The following RYR2 variants were observed in gnomAD, a reference collection of about 807,000 sequenced individuals.
RYR2 encodes ryanodine receptor 2, also known as cardiac muscle ryanodine receptor-calcium release channel.
A neutral mutation model predicts 601.1 loss-of-function variants in RYR2; 227 were observed. The observed-to-expected ratio is 0.38, with a 90% CI of 0.34 to 0.42. RYR2 has a LOEUF of 0.42. RYR2 is among the 10% of genes least tolerant of loss of function. RYR2 has a pLI of 1.00. For synonymous variants in RYR2, 2,223 were observed against 2,175.1 expected (o/e 1.02, Z -0.61); for missense variants, 4,646 against 6,156.5 (o/e 0.75, Z 8.21).
Position 237,638,281 on chromosome 1 carries a change from A to G in RYR2, c.6793-76A>G, listed in dbSNP as rs571460912. The G allele has an allele frequency of 1.9e-5, 31 of 1,591,312 alleles. 1 individual carries two copies. The highest frequency in any genetic ancestry group is 5.1e-6 in the Non-Finnish European group (6 of 1,167,742). On this transcript the variant is annotated intron_variant, in intron 44 of 104. Transcript: ENST00000366574. ...TTTAAAAGCATCCTTTAAGGATGTC[A>G]TTTATTGTATCCAATGTAAGCATCT...
chr1:237,491,211 T>C (rs1445174638), intron 17 of RYR2, among the ~76,000 whole-genome samples: 1 of 152,210 alleles, frequency 6.6e-6, no homozygotes, highest in Admixed American at 6.6e-5. Context: ...GTTATTTCTG[T>C]TTATTTATGT....
chr1:237,801,085 G>T (rs926420394), intron 97 of RYR2, among the ~76,000 whole-genome samples: 16 of 152,062 alleles, frequency 1.1e-4, no homozygotes, highest in African/African-American at 3.6e-4. Flanking sequence ...TATAAAATAA[G>T]GTAGTTGTAA....
chr1:237,605,427 T>A (rs1677007877), intron 35 of RYR2, among the ~76,000 whole-genome samples: 2 of 152,062 alleles, frequency 1.3e-5, no homozygotes, highest in Non-Finnish European at 2.9e-5. Context: ...GTATCTCAAA[T>A]TAATAAGAGC....
At chr1:237,806,800 C>A (rs574117413) in intron 99 of RYR2, among the ~76,000 whole-genome samples, 2 of 152,284 alleles carry the variant, frequency 1.3e-5, no homozygotes, top group Admixed American at 1.3e-4. Context: ...TCATATTTGA[C>A]AAGGTCATGC....
At chr1:237,151,057 C>G (rs1250716217) in intron 1 of RYR2, among the ~76,000 whole-genome samples, 1 of 152,050 alleles carries the variant, frequency 6.6e-6, no homozygotes, top group Non-Finnish European at 1.5e-5. Context: ...TAATTTTCAT[C>G]TAGATTTTAA....
intron 2 of RYR2, among the ~76,000 whole-genome samples, chr1:237,272,188 TGA>T (rs1689757020): frequency 6.6e-6 from 1 of 152,004 alleles, no homozygotes; most frequent in Non-Finnish European, 1.5e-5. Context: ...CATAGTGAGG[TGA>T]GACGTTTCTG....
chr1:237,719,300 T>C (rs1217395527), intron 73 of RYR2, among the ~76,000 whole-genome samples: 1 of 152,152 alleles, frequency 6.6e-6, no homozygotes, highest in East Asian at 1.9e-4. Flanking sequence ...ATTAAATATA[T>C]ATTTTTAAGA....
chr1:237,550,727 AG>A, intron 27 of RYR2, 36 bp downstream of exon 27: 1 of 1,530,644 alleles, frequency 6.5e-7, no homozygotes, highest in Non-Finnish European at 8.8e-7. Flanking sequence ...TTCGGTTGCA[AG>A]ATGATGTAGT....
intron 1 of RYR2, among the ~76,000 whole-genome samples, chr1:237,129,456 C>T (rs536239185): frequency 1.1e-3 from 168 of 152,170 alleles, no homozygotes; most frequent in African/African-American, 3.8e-3. Context: ...AACTGACATT[C>T]GGATGCATTT....
rs1276253444 is a variant in RYR2 at position 237,649,965 on chromosome 1, T to C, written c.7601T>C (p.Leu2534Pro). ...VLPLLTRCAPLFAGTEHHASL... is the reference protein window; with the variant it reads ...VLPLLTRCAPPFAGTEHHASL... ...CCATTGTTAACAAGATGTGCTCCTC[T>C]CTTTGCTGGCACAGAGCACCACGCT... The change falls in exon 50 of 105, where the codon CTC becomes CCC. Residue 2534 changes from leucine (L) to proline (P), a missense_variant. By Grantham distance (98) the Leu-to-Pro change is moderately conservative (BLOSUM62 -3). Around this residue, in one of 17 missense-constraint regions of RYR2, gnomAD observed 1,497 missense variants for 1,842.6 expected, o/e 0.81. Transcript: ENST00000366574. 1 of 1,614,034 alleles carries C rather than the reference T, an allele frequency of 6.2e-7. No homozygotes were observed. The highest frequency in any genetic ancestry group is 1.7e-5 in the Admixed American group (1 of 60,024).
At chr1:237,420,702 G>C (rs1403657677) in intron 11 of RYR2, among the ~76,000 whole-genome samples, 1 of 152,176 alleles carries the variant, frequency 6.6e-6, no homozygotes, top group Non-Finnish European at 1.5e-5. Context: ...TGGTACATAT[G>C]AGTTCTATTG....
At chr1:237,421,108 T>G (rs766212910) in intron 11 of RYR2, among the ~76,000 whole-genome samples, 1 of 152,108 alleles carries the variant, frequency 6.6e-6, no homozygotes, top group Non-Finnish European at 1.5e-5. Context: ...GCGCGGTGGC[T>G]GGCGCCTATA....
intron 1 of RYR2, among the ~76,000 whole-genome samples, chr1:237,233,260 C>T (rs1685179915): frequency 6.6e-6 from 1 of 152,106 alleles, no homozygotes; most frequent in East Asian, 1.9e-4. Context: ...ATTTTTATGC[C>T]TAAAAAGGTG....
At chr1:237,163,774 G>A (rs769657308) in intron 1 of RYR2, among the ~76,000 whole-genome samples, 4 of 152,210 alleles carry the variant, frequency 2.6e-5, no homozygotes, top group Admixed American at 6.5e-5. Flanking sequence ...CAACAATTGA[G>A]AGGTCTAGAC....
intron 17 of RYR2, among the ~76,000 whole-genome samples, chr1:237,490,222 G>C (rs1663173870): frequency 6.6e-6 from 1 of 152,164 alleles, no homozygotes; most frequent in Non-Finnish European, 1.5e-5. Flanking sequence ...ATTACCTATT[G>C]GTTGGGCTTT....
At chr1:237,230,357 T>C (rs993973615) in intron 1 of RYR2, among the ~76,000 whole-genome samples, 32 of 152,202 alleles carry the variant, frequency 2.1e-4, no homozygotes, top group Admixed American at 5.2e-4. Flanking sequence ...TAGGTCTAGA[T>C]TTGTTATCAA....
At chr1:237,644,659 G>GT (rs910270268) in intron 48 of RYR2, among the ~76,000 whole-genome samples, 2 of 151,666 alleles carry the variant, frequency 1.3e-5, no homozygotes, top group African/African-American at 2.4e-5. Flanking sequence ...AATGTAAGGT[G>GT]TTTTTTTTCA....
chr1:237,227,382 C>T (rs1403853563), intron 1 of RYR2, among the ~76,000 whole-genome samples: 1 of 152,122 alleles, frequency 6.6e-6, no homozygotes, highest in Admixed American at 6.5e-5. Context: ...GTGAAAGCAG[C>T]CGTAGTCTAT....
At position 237,688,131 on chromosome 1, in the gene RYR2, C is replaced by T. The variant is rs74771800; in HGVS notation, c.9067+627C>T. On this transcript the variant is annotated intron_variant, in intron 63 of 104. Transcript: ENST00000366574. ...GCCATGCAGGGTGGGCACTCACTTT[C>T]CGCAGATTTTCCCTGCCGTGGGGCT... Among the ~76,000 whole-genome samples, 755 of 152,330 alleles carry T rather than the reference C, an allele frequency of 5.0e-3. 2 individuals are homozygous for T. The highest frequency in any genetic ancestry group is 8.3e-3 in the Non-Finnish European group (566 of 68,036).
Sources: allele counts gnomAD v4.1 joint callset (sites outside exome capture counted in the v4.1 genomes callset), GRCh38; gene constraint gnomAD v4.1.1; regional missense constraint gnomAD v4.1.1; transcripts MANE v1.5; gene names NCBI Gene and HGNC (gene_info 2026-07-23, HGNC 2026-07-21).